Variants in EVA1A observed in about 807,000 individuals in gnomAD.
EVA1A encodes eva-1 homolog A, regulator of programmed cell death.
EVA1A carries 7 observed loss-of-function variants against 9.8 expected under a neutral mutation model. The observed-to-expected ratio is 0.71, with a 90% confidence interval of 0.41 to 1.34. The LOEUF (loss-of-function observed/expected upper bound fraction) is 1.34. Ranked by LOEUF, EVA1A falls within the 40% of genes most tolerant of loss-of-function variation. EVA1A has a pLI of 0.01. For synonymous variants in EVA1A, 90 were observed against 85.6 expected, an observed-to-expected ratio of 1.05 and a Z score of -0.28; for missense variants, 206 against 205.9, an observed-to-expected ratio of 1.00 and a Z score of 0.00.
intron 1 of EVA1A, among the ~76,000 whole-genome samples, chr2:75,533,897 C>T (rs895127639): frequency 1.2e-4 from 18 of 151,970 alleles, no homozygotes; most frequent in East Asian, 5.8e-4. Flanking sequence ...CTGCAAGCTC[C>T]GCCTCCCAGG....
At chr2:75,545,519 A>G (rs1676298722) in intron 1 of EVA1A, among the ~76,000 whole-genome samples, 1 of 152,202 alleles carries the variant, frequency 6.6e-6, no homozygotes, top group South Asian at 2.1e-4. Context: ...AAGTGTAGCC[A>G]CTGATCATTA....
chr2:75,512,109 G>A (rs1441803350), intron 3 of EVA1A, among the ~76,000 whole-genome samples: 1 of 151,966 alleles, frequency 6.6e-6, no homozygotes, highest in African/African-American at 2.4e-5. Context: ...AAACTTAAAG[G>A]AAATAGAAGA....
chr2:75,557,089 A>G (rs1211675920), intron 1 of EVA1A, among the ~76,000 whole-genome samples: 1 of 152,180 alleles, frequency 6.6e-6, no homozygotes, highest in Non-Finnish European at 1.5e-5. Flanking sequence ...ACCTCACCCC[A>G]CTGAAGTTTT....
chr2:75,532,800 G>A (rs1675714366), intron 1 of EVA1A, among the ~76,000 whole-genome samples: 1 of 152,184 alleles, frequency 6.6e-6, no homozygotes, highest in Non-Finnish European at 1.5e-5. Context: ...ATGGAATAAA[G>A]CCAAAGAAAT....
chr2:75,506,802 C>T (rs983331005), intron 3 of EVA1A, among the ~76,000 whole-genome samples: 1 of 152,138 alleles, frequency 6.6e-6, no homozygotes, highest in Non-Finnish European at 1.5e-5. Flanking sequence ...GGGGCCCTGC[C>T]TCACAACCCT....
chr2:75,518,717 A>C, intron 2 of EVA1A: 1 of 986,908 alleles, frequency 1.0e-6, no homozygotes, highest in Non-Finnish European at 1.2e-6. Context: ...TCATCGTCAC[A>C]TTCATCACTG....
rs1423059935 is a variant in EVA1A at position 75,492,703 on chromosome 2, C to T, written c.*533G>A. On this transcript the variant is annotated 3_prime_UTR_variant, in exon 4 of 4. Transcript: ENST00000393913. ...AAGTAGGATTTTAATCCCTGAGGTG[C>T]CAGTTAAAATGGACGAGGTTGCCCT... The T allele has an allele frequency of 6.5e-6, 1 of 152,882 alleles. No homozygotes were observed. The highest frequency in any genetic ancestry group is 1.5e-5 in the Non-Finnish European group (1 of 68,334). 9.5% of individuals were successfully genotyped at this position (152,882 alleles called of 1,614,324 possible). A position where few individuals can be genotyped will look rare whatever the true frequency, so the allele number is the denominator to read the frequency against.
At chr2:75,499,244 C>G (rs542984106) in intron 3 of EVA1A, among the ~76,000 whole-genome samples, 1 of 152,092 alleles carries the variant, frequency 6.6e-6, no homozygotes, top group African/African-American at 2.4e-5. Context: ...GTTAAATGAC[C>G]TTGAGCCAAT....
rs1039416868 is a variant in EVA1A at position 75,519,839 on chromosome 2, C to T, written c.-68-1631G>A. 1.2e-3 allele frequency among the ~76,000 whole-genome samples: 180 copies of T among 152,064 alleles called. 1 individual carries two copies. Among genetic ancestry groups the T allele is most frequent in the African/African-American group, 5.6e-4 (23 of 41,432 alleles). On this transcript the variant is annotated intron_variant, in intron 2 of 3. Coordinates refer to ENST00000393913, the MANE Select transcript of EVA1A (RefSeq NM_001135032.2). ...CTCCTTCCTGTCTCCACTAATGTTA[C>T]CAGATTGCAAGTCTTATCATTTTAT...
intron 1 of EVA1A, among the ~76,000 whole-genome samples, chr2:75,524,980 TTC>T (rs1675371857): frequency 6.6e-6 from 1 of 152,104 alleles, no homozygotes; most frequent in Non-Finnish European, 1.5e-5. Flanking sequence ...ATATGTATAA[TTC>T]TCTTTCTCAA....
At chr2:75,520,522 C>T (rs999076878) in intron 2 of EVA1A, among the ~76,000 whole-genome samples, 2 of 152,080 alleles carry the variant, frequency 1.3e-5, no homozygotes, top group East Asian at 1.9e-4. Context: ...TAGAATAGAA[C>T]ATCCAAAAAT....
chr2:75,494,751 G>A (rs1558668757), intron 3 of EVA1A, among the ~76,000 whole-genome samples: 1 of 152,160 alleles, frequency 6.6e-6, no homozygotes, highest in Non-Finnish European at 1.5e-5. Context: ...ATAAATGTGT[G>A]TTTTCAGCCA....
intron 1 of EVA1A, among the ~76,000 whole-genome samples, chr2:75,549,221 G>T (rs1676443953): frequency 1.3e-5 from 2 of 152,114 alleles, no homozygotes; most frequent in South Asian, 4.2e-4. Context: ...GTGGGAATCA[G>T]TGTGGAACAT....
Position 75,518,116 on chromosome 2 carries a change from G to A in EVA1A, c.25C>T (p.Pro9Ser). Residue 9 changes from proline (P) to serine (S), a missense_variant, in exon 3 of 4, where the codon CCA (proline) becomes TCA (serine). Pro to Ser is a moderately conservative substitution (Grantham distance 74). Transcript: ENST00000393913. ...AGCAAAGCCATCTCCACGTGCTCTG[G>A]GCTGTGGCTGAGGGGCAGCCTCATG... The part of the protein sequence containing the change: MRLPLSHS[P>S]EHVEMALLSN... 1 of 1,614,112 alleles carries A rather than the reference G, an allele frequency of 6.2e-7. No individual in the cohort carries two copies. Among genetic ancestry groups the A allele is most frequent in the South Asian group, 1.1e-5 (1 of 91,080 alleles).
At chr2:75,511,786 A>G (rs1674821072) in intron 3 of EVA1A, among the ~76,000 whole-genome samples, 1 of 152,156 alleles carries the variant, frequency 6.6e-6, no homozygotes, top group South Asian at 2.1e-4. Context: ...GCACTATTCT[A>G]CATGCGCAGG....
At chr2:75,516,821 G>A (rs889360123) in intron 3 of EVA1A, among the ~76,000 whole-genome samples, 2 of 152,176 alleles carry the variant, frequency 1.3e-5, no homozygotes, top group African/African-American at 4.8e-5. Context: ...TTGTGAAAAC[G>A]ATGTCTGAAT....
chr2:75,549,073 G>A (rs1399941331), intron 1 of EVA1A, among the ~76,000 whole-genome samples: 1 of 147,798 alleles, frequency 6.8e-6, no homozygotes, highest in Non-Finnish European at 1.5e-5. Flanking sequence ...CACAGCTGTT[G>A]CTTTATGGGC....
chr2:75,539,727 C>T (rs1044734144), intron 1 of EVA1A, among the ~76,000 whole-genome samples: 3 of 151,558 alleles, frequency 2.0e-5, no homozygotes, highest in African/African-American at 7.3e-5. Context: ...AATGGGAAAA[C>T]TAAAAAATTA....
At chr2:75,549,202 C>G (rs1676443682) in intron 1 of EVA1A, among the ~76,000 whole-genome samples, 1 of 151,924 alleles carries the variant, frequency 6.6e-6, no homozygotes, top group African/African-American at 2.4e-5. Flanking sequence ...CAGCCCTGTG[C>G]ACTCATTTGT....
Sources: allele counts gnomAD v4.1 joint callset (sites outside exome capture counted in the v4.1 genomes callset), GRCh38; gene constraint gnomAD v4.1.1; transcripts MANE v1.5; gene names NCBI Gene and HGNC (gene_info 2026-07-23, HGNC 2026-07-21).